SMCHD1: variants seen among roughly 807,000 people sequenced by gnomAD.
SMCHD1 encodes the protein structural maintenance of chromosomes flexible hinge domain-containing protein 1.
In SMCHD1, 78 loss-of-function variants were observed where a neutral mutation model predicts 254.7. The ratio of observed to expected loss-of-function variants is 0.31; its 90% CI spans 0.26 to 0.37. The LOEUF is 0.37. Among genes scored for constraint, SMCHD1 ranks in the 10% least tolerant of loss-of-function variants. SMCHD1 has a pLI of 1.00. For missense variants in SMCHD1, 1,840 were observed against 2,408.1 expected, an observed-to-expected ratio of 0.76 and a Z score of 4.94; for synonymous variants, 766 against 794.9, an observed-to-expected ratio of 0.96 and a Z score of 0.61.
At chr18:2,659,731 C>T (rs1390877454) in intron 1 of SMCHD1, among the ~76,000 whole-genome samples, 1 of 144,718 alleles carries the variant, frequency 6.9e-6, no homozygotes, top group African/African-American at 2.6e-5. Flanking sequence ...ATAAGATGTG[C>T]TCATCAATTT....
chr18:2,795,675 T>G lies in SMCHD1; in HGVS notation c.5720-274T>G, dbSNP rs536543996. On this transcript the variant is annotated intron_variant, in intron 45 of 47. Coordinates refer to ENST00000320876, the MANE Select transcript of SMCHD1 (RefSeq NM_015295.3). Reference sequence around the variant, plus strand: ...TATAAACACTGGCTTGAGAGAGTGATCCAATAAAAAACAGAGCACTTTTAT... The same window carrying G: ...TATAAACACTGGCTTGAGAGAGTGAGCCAATAAAAAACAGAGCACTTTTAT... Among the ~76,000 whole-genome samples, 293 of 152,322 alleles carry G rather than the reference T, an allele frequency of 1.9e-3. 2 individuals carry two copies. The highest frequency in any genetic ancestry group is 6.4e-3 in the African/African-American group (266 of 41,572).
In SMCHD1 at chr18:2,803,783, C is replaced by T. The variant is rs913236938; in HGVS notation, c.*1231C>T. ...CAGAATTAGCTGTGGGGAAGATTGG[C>T]TCCCATGGTACTACAGGTTGAGTAT... On this transcript the variant is annotated 3_prime_UTR_variant, in exon 48 of 48. Transcript: ENST00000320876. 1.3e-5 allele frequency: 2 copies of T among 152,166 alleles called. No individual in the cohort carries two copies. Among genetic ancestry groups the T allele is most frequent in the African/African-American group, 4.8e-5 (2 of 41,444 alleles). The allele number at this position is 152,166 out of a possible 1,614,324, so 9.4% of individuals were successfully genotyped here.
chr18:2,745,547 C>A (rs1047528972), intron 29 of SMCHD1, among the ~76,000 whole-genome samples: 11 of 152,084 alleles, frequency 7.2e-5, no homozygotes, highest in Non-Finnish European at 1.3e-4. Flanking sequence ...TACTGAAAAG[C>A]CAGTGCATTT....
At chr18:2,664,650 G>A (rs1022081361) in intron 1 of SMCHD1, among the ~76,000 whole-genome samples, 5 of 152,158 alleles carry the variant, frequency 3.3e-5, no homozygotes, top group Non-Finnish European at 5.9e-5. Flanking sequence ...TACTTCATAT[G>A]GCATTACACT....
intron 24 of SMCHD1, 30 bp from the exon 25 acceptor site, chr18:2,732,235 C>T: frequency 6.4e-7 from 1 of 1,551,118 alleles, no homozygotes; most frequent in South Asian, 1.1e-5. Flanking sequence ...ACAGATATCA[C>T]TCAGTGTTTG....
intron 36 of SMCHD1, among the ~76,000 whole-genome samples, 164 bp downstream of exon 36, chr18:2,762,400 A>G (rs1224873648): frequency 6.6e-6 from 1 of 152,170 alleles, no homozygotes; most frequent in Non-Finnish European, 1.5e-5. Context: ...TTGTATTTGA[A>G]TACAAATAGA....
At chr18:2,765,263 T>C (rs2075847275) in intron 37 of SMCHD1, among the ~76,000 whole-genome samples, 1 of 152,226 alleles carries the variant, frequency 6.6e-6, no homozygotes, top group African/African-American at 2.4e-5. Flanking sequence ...CTGATATCCT[T>C]AATTTCTTTA....
chr18:2,744,036 A>G, intron 29 of SMCHD1, 108 bp downstream of exon 29: 2 of 863,804 alleles, frequency 2.3e-6, no homozygotes, highest in Non-Finnish European at 3.4e-6. Context: ...AGTAACAACT[A>G]ACAGTTGTTA....
intron 45 of SMCHD1, among the ~76,000 whole-genome samples, chr18:2,786,521 A>G (rs894386982): frequency 4.6e-5 from 7 of 151,912 alleles, no homozygotes; most frequent in Non-Finnish European, 7.4e-5. Flanking sequence ...GTAAAACCCC[A>G]TCTTTACTAA....
At chr18:2,703,270 C>T (rs946694934) in intron 12 of SMCHD1, among the ~76,000 whole-genome samples, 7 of 152,162 alleles carry the variant, frequency 4.6e-5, no homozygotes, top group Middle Eastern at 3.4e-3. Flanking sequence ...ATTGTATTCA[C>T]GTTTATAAAG....
At position 2,784,515 on chromosome 18, in the gene SMCHD1, A is replaced by G. The variant is rs1272426517; in HGVS notation, c.5613A>G (p.Gly1871=). ...TRDGDRIRSN[G]KFGGLQNKAP... ...ATGGAGATCGAATTCGAAGTAATGGAAAGTTTGGGGGCCTTCAGAATAAAG... is the reference window on the plus strand; with the variant it reads ...ATGGAGATCGAATTCGAAGTAATGGGAAGTTTGGGGGCCTTCAGAATAAAG... Residue 1871 remains glycine (G), a synonymous_variant, in exon 45 of 48, where the codon GGA becomes GGG. Transcript: ENST00000320876. The G allele has an allele frequency of 1.2e-6, 2 of 1,613,198 alleles. No homozygotes were observed. Among genetic ancestry groups the G allele is most frequent in the East Asian group, 2.2e-5 (1 of 44,856 alleles).
At chr18:2,768,658 ATAGTATATAGTG>A (rs1489179338) in intron 37 of SMCHD1, among the ~76,000 whole-genome samples, 2 of 150,548 alleles carry the variant, frequency 1.3e-5, no homozygotes, top group African/African-American at 4.9e-5. Flanking sequence ...AGTATATAGT[ATAGTATATAGTG>A]TACTATATAC....
intron 45 of SMCHD1, among the ~76,000 whole-genome samples, chr18:2,787,850 C>A (rs898007295): frequency 6.6e-6 from 1 of 152,108 alleles, no homozygotes; most frequent in Non-Finnish European, 1.5e-5. Flanking sequence ...TACTTTAAGC[C>A]AAACAGGAAT....
chr18:2,796,288 C>T (rs1382409680), intron 46 of SMCHD1, 119 bp from the exon 47 acceptor site: 2 of 821,874 alleles, frequency 2.4e-6, no homozygotes, highest in Non-Finnish European at 3.8e-6. Flanking sequence ...AAGTAATAGG[C>T]ATTCTCAGTA....
At chr18:2,678,249 TTCTTTC>T (rs372149391) in intron 5 of SMCHD1, among the ~76,000 whole-genome samples, 6,690 of 128,532 alleles carry the variant, frequency 0.052, 239 homozygotes, top group Non-Finnish European at 0.08. Context: ...CTTTCGTTCT[TTCTTTC>T]TCTCTCTCTC....
At chr18:2,740,407 G>A (rs1472643507) in intron 27 of SMCHD1, among the ~76,000 whole-genome samples, 1 of 151,778 alleles carries the variant, frequency 6.6e-6, no homozygotes, top group Admixed American at 6.6e-5. Flanking sequence ...GGATTCCTAT[G>A]TATTTTTTCT....
chr18:2,662,460 C>T (rs142421299), intron 1 of SMCHD1, among the ~76,000 whole-genome samples: 15,623 of 151,290 alleles, frequency 0.1, 879 homozygotes, highest in Middle Eastern at 0.21. Context: ...AGCTGGCCAA[C>T]GTGGTGAAAC....
chr18:2,688,598 T>C, intron 6 of SMCHD1, 30 bp from the exon 7 acceptor site: 2 of 1,573,612 alleles, frequency 1.3e-6, no homozygotes, highest in Non-Finnish European at 8.6e-7. Flanking sequence ...TATTAGGAAT[T>C]TAAAAAGTAC....
intron 25 of SMCHD1, among the ~76,000 whole-genome samples, chr18:2,734,397 A>G (rs1240182397): frequency 6.6e-6 from 1 of 152,128 alleles, no homozygotes; most frequent in Non-Finnish European, 1.5e-5. Flanking sequence ...TGCATTTGAC[A>G]CATTTTGCCT....
Sources: allele counts gnomAD v4.1 joint callset (sites outside exome capture counted in the v4.1 genomes callset), GRCh38; gene constraint gnomAD v4.1.1; transcripts MANE v1.5; gene names NCBI Gene and HGNC (gene_info 2026-07-23, HGNC 2026-07-21).